The following ZNF347 variants were observed in gnomAD, a reference collection of about 807,000 sequenced individuals.
ZNF347 encodes CTD-2620I22.7.
In ZNF347, 19 loss-of-function variants were observed where a neutral mutation model predicts 12.9. The observed-to-expected ratio is 1.47, with a 90% confidence interval of 1.03 to 2.16. ZNF347 has a LOEUF of 2.16. ZNF347 is among the 30% of genes most tolerant of loss of function. ZNF347 has a pLI of 0.00. For missense variants in ZNF347, 1,005 were observed against 990.6 expected (o/e 1.01, Z -0.19); for synonymous variants, 328 against 340.6 (o/e 0.96, Z 0.41).
At position 53,140,661 on chromosome 19, in the gene ZNF347, T is replaced by C; in HGVS notation, c.2167A>G (p.Ser723Gly). 6.2e-7 allele frequency: 1 copy of C among 1,613,904 alleles called. No individual in the cohort carries two copies. The highest frequency in any genetic ancestry group is 8.5e-7 in the Non-Finnish European group (1 of 1,179,996). The change falls in exon 5 of 5, where the codon AGC (serine) becomes GGC (glycine). Residue 723 changes from serine (S) to glycine (G), a missense_variant. Transcript: ENST00000334197. The stretch of plus-strand genomic sequence containing the variant: ...TGGATTGCCTGATGGGTAGTTAGGC[T>C]TGAACGGACACTAAAGGCTTTCCCA... ...QCGKAFSVRS[S>G]LTTHQAIHTG...
chr19:53,155,270 C>T (rs183859467), intron 1 of ZNF347, among the ~76,000 whole-genome samples: 131 of 146,506 alleles, frequency 8.9e-4, no homozygotes, highest in African/African-American at 3.1e-3. Flanking sequence ...AAAGATGGAG[C>T]GTAGAAGAAA....
In ZNF347 at chr19:53,140,725, T is replaced by C. The variant is rs1022056403; in HGVS notation, c.2103A>G (p.Arg701=). The part of the protein sequence containing the change: ...SQTSKLARHQ[R]VHTGEKPYEC... ...CATATGGTTTCTCTCCAGTATGAACTCTCTGATGCCTTGCAAGCTTTGATG... is the reference window on the plus strand; with the variant it reads ...CATATGGTTTCTCTCCAGTATGAACCCTCTGATGCCTTGCAAGCTTTGATG... The change falls in exon 5 of 5, where the codon AGA becomes AGG. Residue 701 remains arginine, a synonymous_variant. Coordinates refer to ENST00000334197, the MANE Select transcript of ZNF347 (RefSeq NM_032584.3). 2 of 1,612,984 alleles carry C rather than the reference T, an allele frequency of 1.2e-6. No homozygotes were observed. The highest frequency in any genetic ancestry group is 1.7e-6 in the Non-Finnish European group (2 of 1,179,362).
chr19:53,140,622 G>T lies in ZNF347; in HGVS notation c.2206C>A (p.Pro736Thr). Residue 736 changes from proline to threonine, a missense_variant, in exon 5 of 5, where the codon CCT becomes ACT. Transcript: ENST00000334197. ...THQAIHTGKK[P>T]YKCNECGKVF... ...TTCCCACACTCATTGCATTTGTAAG[G>T]TTTTTTTCCAGTATGGATTGCCTGA... is the stretch of plus-strand genomic sequence containing the variant. The T allele has an allele frequency of 1.2e-6, 2 of 1,613,596 alleles. No individual in the cohort carries two copies. The highest frequency in any genetic ancestry group is 2.2e-5 in the East Asian group (1 of 44,824).
rs2090393251 is a variant in ZNF347 at position 53,137,362 on chromosome 19, G to C, written c.*2946C>G. 6.6e-6 allele frequency: 1 copy of C among 152,124 alleles called. No individual in the cohort carries two copies. Among genetic ancestry groups the C allele is most frequent in the African/African-American group, 2.4e-5 (1 of 41,410 alleles). The allele number at this position is 152,124 out of a possible 1,614,324, so 9.4% of individuals were successfully genotyped here. A position where few individuals can be genotyped will look rare whatever the true frequency, so the allele number is the denominator to read the frequency against. On this transcript the variant is annotated 3_prime_UTR_variant, in exon 5 of 5. Coordinates refer to ENST00000334197, the MANE Select transcript of ZNF347 (RefSeq NM_032584.3). Reference sequence around the variant, plus strand: ...GTGTTCCCTCCTTTGGCACTAGATGGAAGTTCAAATCACGTGTGGGATCCT... The same window carrying C: ...GTGTTCCCTCCTTTGGCACTAGATGCAAGTTCAAATCACGTGTGGGATCCT...
At position 53,138,461 on chromosome 19, in the gene ZNF347, T is replaced by A. The variant is rs1035885354; in HGVS notation, c.*1847A>T. On this transcript the variant is annotated 3_prime_UTR_variant, in exon 5 of 5. Transcript: ENST00000334197. ...TATTTTCACTTCATGTAAATAAAGATGCATGCCATAGTTATTTAGCACACA... is the reference window on the plus strand; with the variant it reads ...TATTTTCACTTCATGTAAATAAAGAAGCATGCCATAGTTATTTAGCACACA... 2.0e-5 allele frequency: 3 copies of A among 152,166 alleles called. No homozygotes were observed. The highest frequency in any genetic ancestry group is 2.9e-5 in the Non-Finnish European group (2 of 68,036). 9.4% of individuals were successfully genotyped at this position (152,166 alleles called of 1,614,324 possible).
chr19:53,149,140 C>T (rs1314746432), intron 3 of ZNF347, 101 bp downstream of exon 3: 3 of 1,565,100 alleles, frequency 1.9e-6, no homozygotes, highest in Non-Finnish European at 2.6e-6. Flanking sequence ...AACACAGCTT[C>T]AGTCTCAGCC....
intron 4 of ZNF347, among the ~76,000 whole-genome samples, chr19:53,147,062 C>G (rs1279616758): frequency 6.6e-6 from 1 of 151,968 alleles, no homozygotes; most frequent in African/African-American, 2.4e-5. Flanking sequence ...ACAGCAAGAC[C>G]TCGGCTCTAC....
chr19:53,154,495 G>A (rs2090519422), intron 1 of ZNF347, among the ~76,000 whole-genome samples: 2 of 152,164 alleles, frequency 1.3e-5, no homozygotes. Flanking sequence ...GGCAATGAGT[G>A]CGGACAGAGA....
In ZNF347 at chr19:53,140,351, A is replaced by G; in HGVS notation, c.2477T>C (p.Leu826Pro). Residue 826 changes from leucine (L) to proline (P), a missense_variant, in exon 5 of 5, where the codon CTA becomes CCA. Coordinates refer to ENST00000334197, the MANE Select transcript of ZNF347 (RefSeq NM_032584.3). ...KPYKCNVWKV[L>P]KSEFKPCKPS... is the part of the protein sequence containing the mutation. ...CTTGCAAGGTTTGAACTCTGACTTT[A>G]GAACTTTCCACACGTTACATTTGTA... is the stretch of plus-strand genomic sequence containing the variant. 1 of 1,583,198 alleles carries G rather than the reference A, an allele frequency of 6.3e-7. No individual in the cohort carries two copies. The highest frequency in any genetic ancestry group is 2.2e-5 in the East Asian group (1 of 44,764).
Position 53,140,701 on chromosome 19 carries a change from A to C in ZNF347, c.2127T>G (p.Tyr709Ter). The change falls in exon 5 of 5, where the codon TAT becomes TAG. Residue 709 changes from tyrosine to a stop codon, truncating the protein, a stop_gained. Coordinates refer to ENST00000334197, the MANE Select transcript of ZNF347 (RefSeq NM_032584.3). LOFTEE classifies it low-confidence loss of function (END_TRUNC). ...AGGCTTTCCCACACTGATTACACTC[A>C]TATGGTTTCTCTCCAGTATGAACTC... Reference protein sequence around the residue: ...HQRVHTGEKPYECNQCGKAFS... With the variant: ...HQRVHTGEKP The C allele has an allele frequency of 6.2e-7, 1 of 1,613,066 alleles. No homozygotes were observed. Among genetic ancestry groups the C allele is most frequent in the Non-Finnish European group, 8.5e-7 (1 of 1,179,756 alleles).
chr19:53,143,208 AG>A (rs2090441137), intron 4 of ZNF347, among the ~76,000 whole-genome samples: 1 of 152,102 alleles, frequency 6.6e-6, no homozygotes, highest in African/African-American at 2.4e-5. Context: ...TAAAAGCTAT[AG>A]GATGTTTTTA....
chr19:53,140,280 C>G lies in ZNF347; in HGVS notation c.*28G>C, dbSNP rs1416181328. 6.6e-7 allele frequency: 1 copy of G among 1,516,138 alleles called. No homozygotes were observed. Among genetic ancestry groups the G allele is most frequent in the African/African-American group, 1.4e-5 (1 of 71,662 alleles). The allele number at this position is 1,516,138 out of a possible 1,614,324, so 93.9% of individuals were successfully genotyped here. A position where few individuals can be genotyped will look rare whatever the true frequency, so the allele number is the denominator to read the frequency against. On this transcript the variant is annotated 3_prime_UTR_variant, in exon 5 of 5. Coordinates refer to ENST00000334197, the MANE Select transcript of ZNF347 (RefSeq NM_032584.3). ...GAATGAATTCTAACTGCAAAAGTTA[C>G]CACCTTCATTTGTAAGGTTTCTCTC...
chr19:53,154,822 G>C (rs9967643), intron 1 of ZNF347, among the ~76,000 whole-genome samples: 45,190 of 151,034 alleles, frequency 0.3, 8,629 homozygotes, highest in African/African-American at 0.54. Flanking sequence ...GTTCAAGCAA[G>C]GACTGAAGGC....
chr19:53,141,953 T>A lies in ZNF347; in HGVS notation c.875A>T (p.Tyr292Phe), dbSNP rs1425706593. ...SHTKEKPYKC[Y>F]ECGKAFRTRS... ...TGTTCTAAAGGCTTTGCCACACTCA[T>A]AACATTTGTAAGGTTTCTCTTTAGT... Residue 292 changes from tyrosine to phenylalanine, a missense_variant, in exon 5 of 5, where the codon TAT becomes TTT. Transcript: ENST00000334197. 5.6e-6 allele frequency: 9 copies of A among 1,613,858 alleles called. No individual in the cohort carries two copies. Among genetic ancestry groups the A allele is most frequent in the Admixed American group, 1.7e-5 (1 of 59,968 alleles).
At chr19:53,150,577 A>G (rs1439583765) in intron 2 of ZNF347, among the ~76,000 whole-genome samples, 2 of 152,212 alleles carry the variant, frequency 1.3e-5, no homozygotes, top group Non-Finnish European at 2.9e-5. Context: ...AGTGATATTC[A>G]GTATTTAGAT....
intron 3 of ZNF347, 44 bp from the exon 4 acceptor site, chr19:53,148,853 A>G (rs1290487400): frequency 1.2e-6 from 2 of 1,604,428 alleles, no homozygotes; most frequent in Non-Finnish European, 1.7e-6. Flanking sequence ...TAGATTTTCC[A>G]GAGTCCCAGT....
At position 53,141,276 on chromosome 19, in the gene ZNF347, A is replaced by G. The variant is rs2090424121; in HGVS notation, c.1552T>C (p.Cys518Arg). Reference sequence around the variant, plus strand: ...GAATTTTGAGTGAAGACCTTGCCACATTCATTACATTTGTAAGGCTTTTCT... The same window carrying G: ...GAATTTTGAGTGAAGACCTTGCCACGTTCATTACATTTGTAAGGCTTTTCT... The part of the protein sequence containing the change: ...TGEKPYKCNE[C>R]GKVFTQNSHL... The change falls in exon 5 of 5, where the codon TGT (cysteine) becomes CGT (arginine). Residue 518 changes from cysteine (C) to arginine (R), a missense_variant. Physicochemically the swap from Cys to Arg is radical, Grantham distance 180. Transcript: ENST00000334197. 1.9e-6 allele frequency: 3 copies of G among 1,613,768 alleles called. No individual in the cohort carries two copies. The highest frequency in any genetic ancestry group is 1.7e-6 in the Non-Finnish European group (2 of 1,179,962).
intron 4 of ZNF347, among the ~76,000 whole-genome samples, chr19:53,145,970 T>A (rs1255172829): frequency 1.3e-5 from 2 of 151,398 alleles, no homozygotes; most frequent in Non-Finnish European, 2.9e-5. Flanking sequence ...AAAGTAGGAT[T>A]AAAAAAAAAT....
chr19:53,149,703 G>A (rs747834230), intron 2 of ZNF347, among the ~76,000 whole-genome samples: 1 of 152,166 alleles, frequency 6.6e-6, no homozygotes, highest in Non-Finnish European at 1.5e-5. Context: ...GGGGATGGGG[G>A]CTGAAGGCTC....
Sources: allele counts gnomAD v4.1 joint callset (sites outside exome capture counted in the v4.1 genomes callset), GRCh38; gene constraint gnomAD v4.1.1; transcripts MANE v1.5; gene names NCBI Gene and HGNC (gene_info 2026-07-23, HGNC 2026-07-21).